Variants in ATP2B3 observed in about 807,000 individuals in gnomAD.
ATP2B3 encodes the protein ATPase plasma membrane Ca2+ transporting 3, also known as plasma membrane calcium-transporting ATPase 3.
ATP2B3 carries 12 observed loss-of-function variants against 70.8 expected under a neutral mutation model. The ratio of observed to expected loss-of-function variants is 0.17; its 90% CI spans 0.11 to 0.27. The LOEUF (loss-of-function observed/expected upper bound fraction) is 0.27. Ranked by LOEUF, ATP2B3 falls within the 10% of genes least tolerant of loss-of-function variation. ATP2B3 has a pLI of 1.00. For missense variants in ATP2B3, 858 were observed against 1,118.5 expected, an observed-to-expected ratio of 0.77 and a Z score of 3.32; for synonymous variants, 460 against 497.8, an observed-to-expected ratio of 0.92 and a Z score of 1.01.
rs782421970 is a variant in ATP2B3 at position 153,547,880 on chromosome X, A to G, written c.1004A>G (p.Lys335Arg). The change falls in exon 9 of 22, where the codon AAG (lysine) becomes AGG (arginine). Residue 335 changes from lysine (K) to arginine (R), a missense_variant. Lys to Arg is a conservative substitution (Grantham distance 26, BLOSUM62 2). Around this residue, in one of 5 missense-constraint regions of ATP2B3, gnomAD observed 278 missense variants for 366.2 expected, o/e 0.76. Coordinates refer to ENST00000263519, the MANE Select transcript of ATP2B3 (RefSeq NM_001001344.3). ...GTGGCCATGGAGATGCAGCCCCTGA[A>G]GAGCGCGGAGGGTGGGGAGATGGAG... ...GAVAMEMQPLKSAEGGEMEER... is the reference protein window; with the variant it reads ...GAVAMEMQPLRSAEGGEMEER... 6 of 1,209,554 alleles carry G rather than the reference A, an allele frequency of 5.0e-6. No individual in the cohort carries two copies. The highest frequency in any genetic ancestry group is 6.7e-6 in the Non-Finnish European group (6 of 894,268).
intron 2 of ATP2B3, among the ~76,000 whole-genome samples, chrX:153,520,265 G>A (rs1046723997): frequency 6.2e-5 from 7 of 112,690 alleles, no homozygotes; most frequent in Non-Finnish European, 1.3e-4. Flanking sequence ...GGAAAGGGGC[G>A]CCTTGCCTGC....
chrX:153,564,937 C>T lies in ATP2B3; in HGVS notation c.3176C>T (p.Pro1059Leu). 2 of 1,193,815 alleles carry T rather than the reference C, an allele frequency of 1.7e-6. No individual in the cohort carries two copies. Among genetic ancestry groups the T allele is most frequent in the Non-Finnish European group, 2.3e-6 (2 of 885,625 alleles). Residue 1059 changes from proline (P) to leucine (L), a missense_variant, in exon 21 of 22, where the codon CCC (proline) becomes CTC (leucine). Physicochemically the swap from Pro to Leu is moderately conservative, Grantham distance 98 (BLOSUM62 -3). Around this residue, in one of 5 missense-constraint regions of ATP2B3, gnomAD observed 265 missense variants for 305.3 expected, o/e 0.87. Coordinates refer to ENST00000263519, the MANE Select transcript of ATP2B3 (RefSeq NM_001001344.3). ...LVWGQVIATI[P>L]TSQLKCLKEA... The stretch of plus-strand genomic sequence containing the variant: ...CTCCCCCAGGTCATTGCCACCATCC[C>T]CACCAGCCAGCTCAAGTGCCTGAAG...
intron 2 of ATP2B3, among the ~76,000 whole-genome samples, chrX:153,519,262 G>A (rs1309783677): frequency 3.6e-5 from 4 of 112,397 alleles, no homozygotes; most frequent in East Asian, 5.6e-4. Context: ...GGATCATTGA[G>A]GCCCCCAAGA....
chrX:153,559,997 G>C lies in ATP2B3; in HGVS notation c.2839+55G>C, dbSNP rs1463191447. 9 of 1,118,534 alleles carry C rather than the reference G, an allele frequency of 8.0e-6. No homozygotes were observed. In the African/African-American group the frequency reaches 1.1e-4, roughly 14 times the overall value. 92.2% of individuals were successfully genotyped at this position (1,118,534 alleles called of 1,213,427 possible). A position where few individuals can be genotyped will look rare whatever the true frequency, so the allele number is the denominator to read the frequency against. On this transcript the variant is annotated intron_variant, in intron 18 of 21. Coordinates refer to ENST00000263519, the MANE Select transcript of ATP2B3 (RefSeq NM_001001344.3). ...TTCAGGACACTGTTGCCACCACCTCGGGCTCAGATTCTGTCTGGTGTGTCT... is the reference window on the plus strand; with the variant it reads ...TTCAGGACACTGTTGCCACCACCTCCGGCTCAGATTCTGTCTGGTGTGTCT...
chrX:153,551,148 C>T, intron 12 of ATP2B3, among the ~76,000 whole-genome samples: 1 of 112,438 alleles, frequency 8.9e-6, no homozygotes, highest in East Asian at 2.8e-4. Context: ...AAACTGTTTT[C>T]CACAGGGGCA....
intron 2 of ATP2B3, among the ~76,000 whole-genome samples, chrX:153,531,161 G>A (rs1268441508): frequency 1.3e-4 from 15 of 112,775 alleles, no homozygotes; most frequent in African/African-American, 3.9e-4. Context: ...GGGTCTCCCA[G>A]GTGCACACCA....
At position 153,558,127 on chromosome X, in the gene ATP2B3, G is replaced by A. The variant is rs782503234; in HGVS notation, c.2449G>A (p.Asp817Asn). ...VGFAMGIAGT[D>N]VAKEASDIIL... The stretch of plus-strand genomic sequence containing the variant: ...ACCCCCCCAGGGCATCGCAGGGACC[G>A]ACGTGGCCAAGGAGGCCTCCGACAT... Residue 817 changes from aspartate to asparagine, a missense_variant, in exon 17 of 22, where the codon GAC (aspartate) becomes AAC (asparagine). Transcript: ENST00000263519. 1.7e-6 allele frequency: 2 copies of A among 1,209,911 alleles called. No individual in the cohort carries two copies. The highest frequency in any genetic ancestry group is 1.8e-5 in the South Asian group (1 of 56,616).
chrX:153,571,795 C>T (rs937908697), intron 21 of ATP2B3, among the ~76,000 whole-genome samples: 4 of 112,713 alleles, frequency 3.5e-5, no homozygotes, highest in Non-Finnish European at 7.5e-5. Flanking sequence ...GTCCCTTGCA[C>T]ACTGTGTGCT....
chrX:153,567,306 A>G lies in ATP2B3; in HGVS notation c.3342+2203A>G, dbSNP rs191411876. Among the ~76,000 whole-genome samples the G allele has an allele frequency of 2.4e-4, 27 of 113,483 alleles. No homozygotes were observed. The East Asian group carries it at 7.5e-3, about 31-fold the overall frequency. On this transcript the variant is annotated intron_variant, in intron 21 of 21. Coordinates refer to ENST00000263519, the MANE Select transcript of ATP2B3 (RefSeq NM_001001344.3). Reference sequence around the variant, plus strand: ...ACATCGAATGTTAGAAGCAGCATTCACATCTCCCCCAGTGCCCTCCTAGCG... The same window carrying G: ...ACATCGAATGTTAGAAGCAGCATTCGCATCTCCCCCAGTGCCCTCCTAGCG...
At position 153,581,905 on chromosome X, in the gene ATP2B3, A is replaced by G. The variant is rs1228849113; in HGVS notation, c.*1607A>G. The G allele has an allele frequency of 8.9e-6, 1 of 112,555 alleles. No homozygotes were observed. The highest frequency in any genetic ancestry group is 1.9e-5 in the Non-Finnish European group (1 of 53,220). The allele number at this position is 112,555 out of a possible 1,213,427, so 9.3% of individuals were successfully genotyped here. On this transcript the variant is annotated 3_prime_UTR_variant, in exon 22 of 22. Transcript: ENST00000263519. Reference sequence around the variant, plus strand: ...AGTTTCCCCCAAATGAGCAAAGGGGATAAAGAGGGGCCCGACTTTTGCCAC... The same window carrying G: ...AGTTTCCCCCAAATGAGCAAAGGGGGTAAAGAGGGGCCCGACTTTTGCCAC...
At chrX:153,545,279 G>A (rs1271524727) in intron 7 of ATP2B3, among the ~76,000 whole-genome samples, 4 of 113,334 alleles carry the variant, frequency 3.5e-5, no homozygotes, top group African/African-American at 9.6e-5. Context: ...GCTGTGTGCC[G>A]GGGCTCAGGC....
chrX:153,558,147 C>T lies in ATP2B3; in HGVS notation c.2469C>T (p.Ser823=), dbSNP rs1557014679. 5 of 1,210,849 alleles carry T rather than the reference C, an allele frequency of 4.1e-6. No individual in the cohort carries two copies. Among genetic ancestry groups the T allele is most frequent in the Middle Eastern group, 2.3e-4 (1 of 4,347 alleles). Residue 823 remains serine, a synonymous_variant, in exon 17 of 22, where the codon TCC becomes TCT. Transcript: ENST00000263519. ...IAGTDVAKEA[S]DIILTDDNFT... ...GGACCGACGTGGCCAAGGAGGCCTC[C>T]GACATCATCCTGACCGATGACAACT...
chrX:153,522,908 T>C (rs868951769), intron 2 of ATP2B3, among the ~76,000 whole-genome samples: 2 of 100,117 alleles, frequency 2.0e-5, no homozygotes, highest in Non-Finnish European at 4.1e-5. Context: ...TTTTTTTTTT[T>C]AATTGATTTC....
intron 21 of ATP2B3, among the ~76,000 whole-genome samples, chrX:153,571,689 C>T (rs1268959555): frequency 1.8e-5 from 2 of 112,430 alleles, no homozygotes; most frequent in Non-Finnish European, 3.8e-5. Flanking sequence ...CCTGGCAGTG[C>T]GGGGTAAGTA....
chrX:153,568,701 C>T (rs979954023), intron 21 of ATP2B3, among the ~76,000 whole-genome samples: 2 of 112,061 alleles, frequency 1.8e-5, no homozygotes, highest in Admixed American at 9.4e-5. Context: ...GCTGAAGTGG[C>T]GTACATCCTC....
intron 16 of ATP2B3, among the ~76,000 whole-genome samples, chrX:153,557,286 G>T (rs1309294464): frequency 8.9e-6 from 1 of 112,062 alleles, no homozygotes; most frequent in Non-Finnish European, 1.9e-5. Context: ...AATGGGGGGT[G>T]GGGGCTCATC....
At chrX:153,529,758 G>A (rs782380747) in intron 2 of ATP2B3, among the ~76,000 whole-genome samples, 6 of 109,899 alleles carry the variant, frequency 5.5e-5, no homozygotes, top group East Asian at 5.8e-4. Context: ...TCCACTGTCC[G>A]TCCCCTCAGA....
chrX:153,572,567 C>G (rs1391474106), intron 21 of ATP2B3, among the ~76,000 whole-genome samples: 1 of 111,870 alleles, frequency 8.9e-6, no homozygotes, highest in African/African-American at 3.3e-5. Context: ...GAGCCCTCCC[C>G]ACCCTGTCTA....
chrX:153,557,378 T>C (rs782433218), intron 16 of ATP2B3, among the ~76,000 whole-genome samples: 1 of 112,325 alleles, frequency 8.9e-6, no homozygotes, highest in African/African-American at 3.2e-5. Context: ...AGATGTGCTC[T>C]TCCTCTGCAC....
Sources: gnomAD v4.1 joint callset for allele counts (sites outside exome capture counted in the v4.1 genomes callset) on GRCh38, gnomAD v4.1.1 for gene constraint, gnomAD v4.1.1 regional missense constraint, MANE v1.5 for transcripts, NCBI Gene and HGNC (gene_info 2026-07-23, HGNC 2026-07-21) for gene names.